The following MEGF9 variants were observed in gnomAD, a reference collection of about 807,000 sequenced individuals.
MEGF9 encodes multiple EGF like domains 9.
A neutral mutation model predicts 46.8 loss-of-function variants in MEGF9; 6 were observed. That is an observed-to-expected ratio of 0.13 (90% CI 0.07 to 0.25). The LOEUF (loss-of-function observed/expected upper bound fraction) is 0.25. Ranked by LOEUF, MEGF9 falls within the 10% of genes least tolerant of loss-of-function variation. MEGF9 has a pLI of 1.00. For missense variants in MEGF9, 683 were observed against 792.4 expected (o/e 0.86, Z 1.66); for synonymous variants, 302 against 330.7 (o/e 0.91, Z 0.94).
In MEGF9 at chr9:120,607,889, G is replaced by A. The variant is rs368211579; in HGVS notation, c.1209C>T (p.His403=). The A allele has an allele frequency of 8.4e-5, 136 of 1,613,968 alleles. 1 individual carries two copies. In the African/African-American group the frequency reaches 1.2e-3, roughly 14 times the overall value. The change falls in exon 5 of 6, where the codon CAC becomes CAT. Residue 403 remains histidine (H), a synonymous_variant. Transcript: ENST00000373930. ...FDSICRKCQC[H]GHVDPVKTPK... ...GAGTTTTAACTGGGTCCACATGGCCGTGACATTGGCACTTTCTACAGATGC... is the reference window on the plus strand; with the variant it reads ...GAGTTTTAACTGGGTCCACATGGCCATGACATTGGCACTTTCTACAGATGC...
At chr9:120,618,801 G>A (rs1204135730) in intron 3 of MEGF9, among the ~76,000 whole-genome samples, 13 of 151,704 alleles carry the variant, frequency 8.6e-5, no homozygotes, top group Admixed American at 8.5e-4. Context: ...TTGGGAGGCT[G>A]AAGCAGAAGA....
At chr9:120,636,465 T>A (rs1337081288) in intron 2 of MEGF9, among the ~76,000 whole-genome samples, 2 of 152,246 alleles carry the variant, frequency 1.3e-5, no homozygotes, top group African/African-American at 2.4e-5. Flanking sequence ...AAATTCATAA[T>A]ACTCAAAAAG....
rs568709091 is a variant in MEGF9, at chr9:120,636,198, A to C, written c.804-13443T>G. ...AGTAATCCACCCATCTTGGCCTCCC[A>C]AAGTGCTGGGATTACAGGCTTGAGC... On this transcript the variant is annotated intron_variant, in intron 2 of 5. Transcript: ENST00000373930. Among the ~76,000 whole-genome samples the C allele has an allele frequency of 4.9e-4, 74 of 152,294 alleles. No homozygotes were observed. In the South Asian group the frequency reaches 7.5e-3, roughly 15 times the overall value.
intron 2 of MEGF9, among the ~76,000 whole-genome samples, chr9:120,649,634 T>G (rs1223046666): frequency 6.6e-6 from 1 of 152,228 alleles, no homozygotes. Context: ...TTATTAATTT[T>G]TCTTACATAT....
chr9:120,631,945 T>G (rs1024546359), intron 2 of MEGF9, among the ~76,000 whole-genome samples: 1 of 151,844 alleles, frequency 6.6e-6, no homozygotes, highest in Non-Finnish European at 1.5e-5. Context: ...TCCTCTTTTT[T>G]TGAGATGGAG....
intron 1 of MEGF9, among the ~76,000 whole-genome samples, chr9:120,665,194 A>G (rs1456712969): frequency 7.0e-6 from 1 of 143,762 alleles, no homozygotes; most frequent in East Asian, 2.1e-4. Context: ...ATGGCTTCTA[A>G]TACCTCCAAT....
intron 1 of MEGF9, among the ~76,000 whole-genome samples, chr9:120,701,761 A>G (rs2043906032): frequency 6.6e-6 from 1 of 152,240 alleles, no homozygotes; most frequent in Admixed American, 6.5e-5. Context: ...TTACCTAGAC[A>G]AGGTGGGGAG....
intron 1 of MEGF9, among the ~76,000 whole-genome samples, chr9:120,665,349 G>A (rs959106215): frequency 1.3e-5 from 2 of 152,018 alleles, no homozygotes; most frequent in Non-Finnish European, 2.9e-5. Flanking sequence ...GGGATTACAG[G>A]GGCACACCAC....
chr9:120,605,403 C>G lies in MEGF9; in HGVS notation c.1596G>C (p.Val532=), dbSNP rs56019987. The G allele has an allele frequency of 0.061, 98,908 of 1,613,984 alleles. 3,477 individuals are homozygous for G. The highest frequency in any genetic ancestry group is 0.071 in the Non-Finnish European group (84,244 of 1,179,888). ...IIVVVLLMGF[V]GAVYMYREYQ... is the part of the protein sequence containing the mutation. The stretch of plus-strand genomic sequence containing the variant: ...ACTCGCGGTACATATATACAGCCCC[C>G]ACAAATCCCATTAGCAGCACCACAA... The change falls in exon 6 of 6, where the codon GTG becomes GTC. Residue 532 remains valine (V), a synonymous_variant. Coordinates refer to ENST00000373930, the MANE Select transcript of MEGF9 (RefSeq NM_001080497.3). The surrounding 1 kb of genome is among the most constrained non-coding windows in gnomAD (Gnocchi z 4.0).
At chr9:120,646,387 G>A (rs2043626375) in intron 2 of MEGF9, among the ~76,000 whole-genome samples, 1 of 152,046 alleles carries the variant, frequency 6.6e-6, no homozygotes, top group African/African-American at 2.4e-5. Context: ...GACCCCAACA[G>A]GACTTACCAG....
intron 1 of MEGF9, among the ~76,000 whole-genome samples, chr9:120,676,877 C>T (rs1319197016): frequency 2.0e-5 from 3 of 152,164 alleles, no homozygotes; most frequent in Non-Finnish European, 4.4e-5. Context: ...GACTGCAAGT[C>T]CCAGTTTATT....
At position 120,681,720 on chromosome 9, in the gene MEGF9, T is replaced by C. The variant is rs1488821210; in HGVS notation, c.602-22145A>G. 2.6e-5 allele frequency among the ~76,000 whole-genome samples: 4 copies of C among 152,336 alleles called. No individual in the cohort carries two copies. In the South Asian group the frequency reaches 8.3e-4, roughly 32 times the overall value. On this transcript the variant is annotated intron_variant, in intron 1 of 5. Coordinates refer to ENST00000373930, the MANE Select transcript of MEGF9 (RefSeq NM_001080497.3). ...ACCTATTAATATAGAGTAGCTGTTA[T>C]GTTGGTAACTATTCTTCAATTTATA... is the stretch of plus-strand genomic sequence containing the variant.
At chr9:120,624,941 T>C (rs1245170011) in intron 2 of MEGF9, among the ~76,000 whole-genome samples, 3 of 151,674 alleles carry the variant, frequency 2.0e-5, no homozygotes, top group Non-Finnish European at 4.4e-5. Context: ...TGCTTTTGCA[T>C]CATGTTATTC....
Position 120,601,249 on chromosome 9 carries a change from C to G in MEGF9, c.*3941G>C, listed in dbSNP as rs774945740. 6.6e-6 allele frequency: 1 copy of G among 152,208 alleles called. No individual in the cohort carries two copies. The highest frequency in any genetic ancestry group is 2.4e-5 in the African/African-American group (1 of 41,436). The allele number at this position is 152,208 out of a possible 1,614,324, so 9.4% of individuals were successfully genotyped here. ...CTGGGCTTACTTTCTAGGGCTGCTGCTGCAGTAACAAGTAACAATTCCTAC... is the reference window on the plus strand; with the variant it reads ...CTGGGCTTACTTTCTAGGGCTGCTGGTGCAGTAACAAGTAACAATTCCTAC... On this transcript the variant is annotated 3_prime_UTR_variant, in exon 6 of 6. Coordinates refer to ENST00000373930, the MANE Select transcript of MEGF9 (RefSeq NM_001080497.3).
intron 4 of MEGF9, among the ~76,000 whole-genome samples, chr9:120,611,823 A>AG (rs2043446744): frequency 7.5e-6 from 1 of 132,612 alleles, no homozygotes; most frequent in African/African-American, 3.5e-5. Flanking sequence ...AAAAGAAAAG[A>AG]AAAGAAAGAA....
intron 2 of MEGF9, among the ~76,000 whole-genome samples, chr9:120,646,916 G>C (rs574675033): frequency 1.3e-5 from 2 of 151,966 alleles, no homozygotes; most frequent in Non-Finnish European, 2.9e-5. Flanking sequence ...TACAGATTTA[G>C]AGGGGAGCTT....
intron 2 of MEGF9, among the ~76,000 whole-genome samples, chr9:120,636,910 C>T (rs79623580): frequency 2.0e-5 from 3 of 152,128 alleles, no homozygotes; most frequent in African/African-American, 7.2e-5. Flanking sequence ...CCCCTCTGCC[C>T]GGCCGCCACC....
chr9:120,708,244 A>G (rs2043937442), intron 1 of MEGF9, among the ~76,000 whole-genome samples: 1 of 152,156 alleles, frequency 6.6e-6, no homozygotes, highest in African/African-American at 2.4e-5. Context: ...ATGCGCCTGT[A>G]GTCCCAGTTA....
chr9:120,690,923 T>C (rs959254088), intron 1 of MEGF9, among the ~76,000 whole-genome samples: 15 of 152,142 alleles, frequency 9.9e-5, no homozygotes, highest in African/African-American at 3.6e-4. Flanking sequence ...AAAAGAAATA[T>C]AAATATTTTA....
Sources: gnomAD v4.1 joint callset for allele counts (sites outside exome capture counted in the v4.1 genomes callset) on GRCh38, gnomAD v4.1.1 for gene constraint, Gnocchi (gnomAD v3.1) non-coding constraint, MANE v1.5 for transcripts, NCBI Gene and HGNC (gene_info 2026-07-23, HGNC 2026-07-21) for gene names.